RBKS: variants seen among roughly 807,000 people sequenced by gnomAD.
The protein encoded by RBKS is ribokinase.
RBKS carries 33 observed loss-of-function variants against 33.9 expected under a neutral mutation model. That is an observed-to-expected ratio of 0.97 (90% CI 0.74 to 1.30). RBKS has a LOEUF of 1.30. Ranked by LOEUF, RBKS falls within the 50% of genes most tolerant of loss-of-function variation. The probability of loss-of-function intolerance (pLI) is 0.00; values close to 1 mark genes in which losing one functional copy is unlikely to be tolerated. For synonymous variants in RBKS, 125 were observed against 143.0 expected, an observed-to-expected ratio of 0.87 and a Z score of 0.90; for missense variants, 361 against 392.6, an observed-to-expected ratio of 0.92 and a Z score of 0.68.
intron 7 of RBKS, among the ~76,000 whole-genome samples, chr2:27,817,267 AAAG>A (rs1233088051): frequency 1.3e-5 from 2 of 152,262 alleles, no homozygotes; most frequent in African/African-American, 4.8e-5. Context: ...GAATGTTAAA[AAAG>A]AAGAATCACA....
intron 5 of RBKS, among the ~76,000 whole-genome samples, chr2:27,835,283 A>C (rs917921349): frequency 3.3e-5 from 5 of 151,990 alleles, no homozygotes; most frequent in African/African-American, 1.2e-4. Context: ...TCTCAAAAAA[A>C]AAAAAAAGAA....
intron 4 of RBKS, among the ~76,000 whole-genome samples, chr2:27,845,242 G>A (rs1663600484): frequency 6.6e-6 from 1 of 152,222 alleles, no homozygotes; most frequent in South Asian, 2.1e-4. Context: ...GATGGATAAT[G>A]CCATATGGCT....
intron 1 of RBKS, among the ~76,000 whole-genome samples, chr2:27,875,136 T>C (rs1300419362): frequency 6.6e-6 from 1 of 152,204 alleles, no homozygotes; most frequent in Non-Finnish European, 1.5e-5. Context: ...ATCTCTCAAC[T>C]AGTAATGTGT....
intron 7 of RBKS, among the ~76,000 whole-genome samples, chr2:27,817,833 C>T (rs1165169117): frequency 6.6e-6 from 1 of 152,124 alleles, no homozygotes; most frequent in Non-Finnish European, 1.5e-5. Context: ...AGAAGAGCCC[C>T]TTATAAAATC....
At chr2:27,800,049 CTTTTTTTTTTTT>C (rs35932747) in intron 7 of RBKS, among the ~76,000 whole-genome samples, 7 of 112,370 alleles carry the variant, frequency 6.2e-5, no homozygotes, top group African/African-American at 2.4e-4. Flanking sequence ...TGTTAGGTGT[CTTTTTTTTTTTT>C]TTTTTTTTTG....
At chr2:27,828,819 G>A (rs1678367036) in intron 6 of RBKS, among the ~76,000 whole-genome samples, 1 of 151,908 alleles carries the variant, frequency 6.6e-6, no homozygotes, top group Non-Finnish European at 1.5e-5. Context: ...CTTTGATTCT[G>A]TTTTTCTTTC....
At chr2:27,785,764 A>T (rs1347461211) in intron 7 of RBKS, among the ~76,000 whole-genome samples, 1 of 151,208 alleles carries the variant, frequency 6.6e-6, no homozygotes, top group Non-Finnish European at 1.5e-5. Flanking sequence ...TCCATCTCAA[A>T]AAAAAAAAAA....
intron 2 of RBKS, among the ~76,000 whole-genome samples, chr2:27,857,357 T>C (rs1009941268): frequency 1.3e-5 from 2 of 152,226 alleles, no homozygotes; most frequent in Non-Finnish European, 2.9e-5. Flanking sequence ...GCCTTAAAAT[T>C]TCATGAAAAA....
At chr2:27,823,984 T>C (rs1678265440) in intron 7 of RBKS, among the ~76,000 whole-genome samples, 1 of 152,194 alleles carries the variant, frequency 6.6e-6, no homozygotes, top group South Asian at 2.1e-4. Context: ...CCATTACCAC[T>C]GATTCCAGAA....
At chr2:27,835,436 C>A (rs1336362560) in intron 5 of RBKS, among the ~76,000 whole-genome samples, 6 of 143,750 alleles carry the variant, frequency 4.2e-5, no homozygotes, top group Non-Finnish European at 6.1e-5. Context: ...CCCCACCCCC[C>A]CTTTTCTGAG....
In RBKS at chr2:27,810,030, T is replaced by C. The variant is rs763775376; in HGVS notation, c.795+17537A>G. The C allele has an allele frequency of 7.7e-7, 1 of 1,304,318 alleles. No individual in the cohort carries two copies. Among genetic ancestry groups the C allele is most frequent in the South Asian group, 1.2e-5 (1 of 81,032 alleles). The allele number at this position is 1,304,318 out of a possible 1,614,324, so 80.8% of individuals were successfully genotyped here. On this transcript the variant is annotated intron_variant, in intron 7 of 7. Coordinates refer to ENST00000302188, the MANE Select transcript of RBKS (RefSeq NM_022128.3). This position sits in a 1 kb window ranked among gnomAD's most constrained non-coding sequence, Gnocchi z 4.4. The stretch of plus-strand genomic sequence containing the variant: ...ACACTTGCTGCTTCACTCTTGGGTC[T>C]TGAGCCAGGTCTACACTGTGAAAAT...
At chr2:27,850,437 C>G (rs1400513939) in intron 2 of RBKS, among the ~76,000 whole-genome samples, 2 of 152,164 alleles carry the variant, frequency 1.3e-5, no homozygotes, top group African/African-American at 4.8e-5. Context: ...GTACTATACA[C>G]AATAGTTTCA....
At chr2:27,881,841 A>G (rs7562937) in intron 1 of RBKS, among the ~76,000 whole-genome samples, 12,589 of 152,176 alleles carry the variant, frequency 0.083, 827 homozygotes, top group African/African-American at 0.17. Context: ...TTCAACAGAT[A>G]GTGCTGGAAT....
chr2:27,786,983 G>A (rs1271688352), intron 7 of RBKS, among the ~76,000 whole-genome samples: 1 of 152,062 alleles, frequency 6.6e-6, no homozygotes, highest in South Asian at 2.1e-4. Flanking sequence ...TACAACATGT[G>A]TTGCTTTTTT....
At position 27,795,081 on chromosome 2, in the gene RBKS, A is replaced by AC. The variant is rs1677640694; in HGVS notation, c.796-13294_796-13293insG. On this transcript the variant is annotated intron_variant, in intron 7 of 7. Transcript: ENST00000302188. The surrounding 1 kb of genome is among the most constrained non-coding windows in gnomAD (Gnocchi z 4.1). ...TCAACCAAGAACCATGACAGAGGCA[A>AC]TCTCCATGTGTTAAACTCTTACGAG... Among the ~76,000 whole-genome samples, 1 of 152,196 alleles carries AC rather than the reference A, an allele frequency of 6.6e-6. No homozygotes were observed. Among genetic ancestry groups the AC allele is most frequent in the African/African-American group, 2.4e-5 (1 of 41,448 alleles).
intron 1 of RBKS, among the ~76,000 whole-genome samples, chr2:27,876,901 T>G (rs148352813): frequency 7.9e-5 from 12 of 152,276 alleles, no homozygotes; most frequent in Non-Finnish European, 1.5e-4. Context: ...ATTGCAATAT[T>G]AGCTTTGTTT....
chr2:27,874,524 C>G (rs1664276113), intron 1 of RBKS, among the ~76,000 whole-genome samples: 1 of 152,198 alleles, frequency 6.6e-6, no homozygotes, highest in Non-Finnish European at 1.5e-5. Context: ...AGTGAAGACT[C>G]TGTATTACCA....
At chr2:27,817,211 C>T (rs1382227369) in intron 7 of RBKS, among the ~76,000 whole-genome samples, 2 of 152,104 alleles carry the variant, frequency 1.3e-5, no homozygotes, top group Non-Finnish European at 2.9e-5. Flanking sequence ...CTGAGATGGA[C>T]CTTAAGGATG....
intron 1 of RBKS, chr2:27,861,615 A>G: frequency 2.1e-6 from 1 of 469,186 alleles, no homozygotes; most frequent in Non-Finnish European, 4.4e-6. Context: ...TACACGAGTG[A>G]AGAAAATAAT....
Sources: allele counts gnomAD v4.1 joint callset (sites outside exome capture counted in the v4.1 genomes callset), GRCh38; gene constraint gnomAD v4.1.1; non-coding constraint Gnocchi (gnomAD v3.1); transcripts MANE v1.5; gene names NCBI Gene and HGNC (gene_info 2026-07-23, HGNC 2026-07-21).